The following DLG2 variants were observed in gnomAD, a reference collection of about 807,000 sequenced individuals.
DLG2 encodes the protein disks large homolog 2.
A neutral mutation model predicts 132.5 loss-of-function variants in DLG2; 45 were observed. That is an observed-to-expected ratio of 0.34 (90% CI 0.27 to 0.44). The LOEUF is 0.44. Among genes scored for constraint, DLG2 ranks in the 20% least tolerant of loss-of-function variants. DLG2 has a pLI of 1.00. For missense variants in DLG2, 1,045 were observed against 1,196.9 expected (o/e 0.87, Z 1.87); for synonymous variants, 424 against 419.6 (o/e 1.01, Z -0.13).
At chr11:83,590,448 C>T (rs986128222) in intron 19 of DLG2, among the ~76,000 whole-genome samples, 1 of 152,116 alleles carries the variant, frequency 6.6e-6, no homozygotes, top group African/African-American at 2.4e-5. Flanking sequence ...CCAATGAGAA[C>T]AAAGACACAG....
chr11:85,366,149 T>C (rs2084536399), intron 3 of DLG2, among the ~76,000 whole-genome samples: 1 of 152,204 alleles, frequency 6.6e-6, no homozygotes, highest in South Asian at 2.1e-4. Flanking sequence ...TTGCTAGCTC[T>C]GGATTGCTAT....
At chr11:84,337,508 T>G (rs1432859512) in intron 7 of DLG2, among the ~76,000 whole-genome samples, 1 of 152,218 alleles carries the variant, frequency 6.6e-6, no homozygotes, top group Non-Finnish European at 1.5e-5. Context: ...TATTTTTTTC[T>G]GCAAAAAGTA....
At chr11:84,440,885 T>C (rs2099015227) in intron 7 of DLG2, among the ~76,000 whole-genome samples, 1 of 152,150 alleles carries the variant, frequency 6.6e-6, no homozygotes, top group Non-Finnish European at 1.5e-5. Context: ...GATTTTTGTT[T>C]AAAAATAATC....
chr11:83,781,261 C>T (rs1347961040), intron 18 of DLG2, among the ~76,000 whole-genome samples: 2 of 152,154 alleles, frequency 1.3e-5, no homozygotes, highest in Non-Finnish European at 2.9e-5. Context: ...CTGCTTCTTT[C>T]TTTATACTAC....
intron 14 of DLG2, among the ~76,000 whole-genome samples, chr11:83,947,824 ATCC>A (rs1489555118): frequency 6.6e-6 from 1 of 152,236 alleles, no homozygotes; most frequent in Non-Finnish European, 1.5e-5. Context: ...CCAAGATGTT[ATCC>A]TCCTTCTGGC....
At chr11:83,558,047 G>A (rs115607308) in intron 19 of DLG2, among the ~76,000 whole-genome samples, 5 of 152,164 alleles carry the variant, frequency 3.3e-5, no homozygotes, top group African/African-American at 1.2e-4. Context: ...GTATTCAAGT[G>A]AAGTAATTTG....
At chr11:83,588,626 C>G (rs1228240691) in intron 19 of DLG2, among the ~76,000 whole-genome samples, 4 of 151,476 alleles carry the variant, frequency 2.6e-5, no homozygotes, top group African/African-American at 9.7e-5. Flanking sequence ...AGCAACGGAA[C>G]AAAGCTGGAT....
chr11:84,342,182 G>A (rs1369119106), intron 7 of DLG2, among the ~76,000 whole-genome samples: 1 of 152,094 alleles, frequency 6.6e-6, no homozygotes, highest in Non-Finnish European at 1.5e-5. Flanking sequence ...TGCTCACTCT[G>A]GAGGCAGCAC....
chr11:84,707,192 T>C (rs1380641898), intron 6 of DLG2, among the ~76,000 whole-genome samples: 1 of 151,796 alleles, frequency 6.6e-6, no homozygotes, highest in Non-Finnish European at 1.5e-5. Context: ...TGAATACTAG[T>C]AGAATGCTGA....
intron 6 of DLG2, among the ~76,000 whole-genome samples, chr11:84,703,901 T>C (rs1375142350): frequency 1.4e-5 from 2 of 142,542 alleles, no homozygotes; most frequent in African/African-American, 5.3e-5. Flanking sequence ...TGTGTGTGTG[T>C]GTGTGTGTGT....
intron 6 of DLG2, among the ~76,000 whole-genome samples, chr11:84,985,629 C>T (rs2056376312): frequency 6.6e-6 from 1 of 151,916 alleles, no homozygotes; most frequent in South Asian, 2.1e-4. Context: ...TAACCAAGAT[C>T]CGAGCAGAAC....
At chr11:83,649,786 ATTTC>A (rs979016762) in intron 18 of DLG2, among the ~76,000 whole-genome samples, 1 of 152,094 alleles carries the variant, frequency 6.6e-6, no homozygotes, top group African/African-American at 2.4e-5. Context: ...GCATAAGGGA[ATTTC>A]TTTCCCCTCT....
chr11:85,582,698 A>C (rs1172969043), intron 3 of DLG2, among the ~76,000 whole-genome samples: 22 of 134,734 alleles, frequency 1.6e-4, no homozygotes, highest in African/African-American at 5.2e-4. Flanking sequence ...AAAAAAAAAA[A>C]AAAAAAACTC....
chr11:83,856,035 T>A (rs2060489168), intron 16 of DLG2, among the ~76,000 whole-genome samples: 1 of 152,124 alleles, frequency 6.6e-6, no homozygotes, highest in Admixed American at 6.5e-5. Context: ...CCCCACTATG[T>A]GTTTATGTGT....
intron 6 of DLG2, among the ~76,000 whole-genome samples, chr11:84,895,028 T>A (rs2089996914): frequency 1.3e-5 from 2 of 152,208 alleles, no homozygotes; most frequent in African/African-American, 4.8e-5. Flanking sequence ...TAACACACTG[T>A]ATGACATTGG....
rs1414160515 is a variant in DLG2 at position 83,467,810 on chromosome 11, T to TATATAC, written c.2620-994_2620-993insGTATAT. On this transcript the variant is annotated intron_variant, in intron 25 of 27. Coordinates refer to ENST00000376104, the MANE Select transcript of DLG2 (RefSeq NM_001142699.3). ...ATATATATATATATATATATATATA[T>TATATAC]ACACACACACATATAAAATATATAA... Among the ~76,000 whole-genome samples, 58 of 96,270 alleles carry TATATAC rather than the reference T, an allele frequency of 6.0e-4. 1 individual carries two copies. Among genetic ancestry groups the TATATAC allele is most frequent in the East Asian group, 3.8e-3 (12 of 3,156 alleles). The allele number at this position is 96,270 out of a possible 152,430, so 63.2% of individuals were successfully genotyped here. A position where few individuals can be genotyped will look rare whatever the true frequency, so the allele number is the denominator to read the frequency against.
intron 4 of DLG2, among the ~76,000 whole-genome samples, chr11:85,163,928 A>T (rs774701502): frequency 6.6e-6 from 1 of 152,162 alleles, no homozygotes; most frequent in Admixed American, 6.5e-5. Context: ...CCATGTATGC[A>T]TGGGAGTCTC....
rs145310958 is a variant in DLG2, at chr11:84,315,207, A to G, written c.520-63916T>C. On this transcript the variant is annotated intron_variant, in intron 7 of 27. Coordinates refer to ENST00000376104, the MANE Select transcript of DLG2 (RefSeq NM_001142699.3). ...AAATGGCTGTAAGTTTCAGACAAGT[A>G]GGAGGCATTGTTAAAAACTAAGGAA... 4.8e-3 allele frequency among the ~76,000 whole-genome samples: 724 copies of G among 152,260 alleles called. 11 individuals are homozygous for G. The highest frequency in any genetic ancestry group is 0.016 in the African/African-American group (672 of 41,568).
intron 6 of DLG2, among the ~76,000 whole-genome samples, chr11:84,665,582 A>G (rs577100800): frequency 6.6e-6 from 1 of 152,178 alleles, no homozygotes; most frequent in South Asian, 2.1e-4. Flanking sequence ...CATCTCAGAG[A>G]GTCAATTTCT....
Sources: gnomAD v4.1 joint callset for allele counts (sites outside exome capture counted in the v4.1 genomes callset) on GRCh38, gnomAD v4.1.1 for gene constraint, MANE v1.5 for transcripts, NCBI Gene and HGNC (gene_info 2026-07-23, HGNC 2026-07-21) for gene names.